Variants in CHD6 observed in about 807,000 individuals in gnomAD.
CHD6 encodes ATP-dependent chromatin remodeler CHD6.
Under a neutral mutation model 276.9 loss-of-function variants are expected in CHD6, and 50 were observed. That is an observed-to-expected ratio of 0.18 (90% confidence interval 0.14 to 0.23). The LOEUF (loss-of-function observed/expected upper bound fraction) is 0.23. Ranked by LOEUF, CHD6 falls within the 10% of genes least tolerant of loss-of-function variation. The pLI is 1.00. For missense variants in CHD6, 2,564 were observed against 3,365.8 expected (o/e 0.76, Z 5.89); for synonymous variants, 1,173 against 1,229.3 (o/e 0.95, Z 0.96).
At position 41,405,101 on chromosome 20, in the gene CHD6, G is replaced by A. The variant is rs758499271; in HGVS notation, c.7640C>T (p.Thr2547Ile). ...TGATAGAGACGCCGGAGCAGTGGAA[G>A]TGCAGGTGGTTGCCATGGGTGGACT... ...LLSPPMATTC[T>I]STAPASLSST... is the part of the protein sequence containing the mutation. The change falls in exon 37 of 37, where the codon ACT becomes ATT. Residue 2547 changes from threonine (T) to isoleucine (I), a missense_variant. Transcript: ENST00000373233. 3 of 1,614,232 alleles carry A rather than the reference G, an allele frequency of 1.9e-6. No individual in the cohort carries two copies. Among genetic ancestry groups the A allele is most frequent in the East Asian group, 2.2e-5 (1 of 44,890 alleles).
chr20:41,477,363 A>G (rs2043191019), intron 16 of CHD6, among the ~76,000 whole-genome samples: 1 of 152,162 alleles, frequency 6.6e-6, no homozygotes, highest in Non-Finnish European at 1.5e-5. Context: ...TATACATAAT[A>G]TCTCCCTATA....
intron 13 of CHD6, 81 bp from the exon 14 acceptor site, chr20:41,487,889 C>A (rs1166327451): frequency 2.8e-6 from 4 of 1,445,974 alleles, no homozygotes; most frequent in South Asian, 1.3e-5. Context: ...TAAGCCAGGG[C>A]ATTGAGTGCT....
At chr20:41,437,204 TACC>T in intron 27 of CHD6, 67 bp downstream of exon 27, 1 of 1,203,018 alleles carries the variant, frequency 8.3e-7, no homozygotes, top group Non-Finnish European at 1.2e-6. Flanking sequence ...CCCAGATCAC[TACC>T]AAGATAGGGA....
At chr20:41,438,311 T>C (rs537421791) in intron 26 of CHD6, among the ~76,000 whole-genome samples, 1 of 152,170 alleles carries the variant, frequency 6.6e-6, no homozygotes, top group African/African-American at 2.4e-5. Context: ...ACTTTGAGGG[T>C]GGGTGCAGTG....
At chr20:41,480,271 G>A (rs1342871869) in intron 16 of CHD6, among the ~76,000 whole-genome samples, 1 of 152,048 alleles carries the variant, frequency 6.6e-6, no homozygotes, top group African/African-American at 2.4e-5. Context: ...CCAGGGAGGA[G>A]GAAGTCAGGA....
intron 2 of CHD6, 152 bp downstream of exon 2, chr20:41,551,153 T>C: frequency 1.7e-6 from 1 of 601,678 alleles, no homozygotes; most frequent in Non-Finnish European, 2.9e-6. Flanking sequence ...TATTATTAAG[T>C]CATTCAGAAC....
chr20:41,608,999 T>A (rs1199365847), intron 1 of CHD6, among the ~76,000 whole-genome samples: 1 of 152,188 alleles, frequency 6.6e-6, no homozygotes, highest in Non-Finnish European at 1.5e-5. Context: ...TAGTAACATC[T>A]CATACAGCAT....
At position 41,404,703 on chromosome 20, in the gene CHD6, T is replaced by TG; in HGVS notation, c.8037dup (p.Ser2680GlnfsTer3). On this transcript the variant is annotated frameshift_variant, in exon 37 of 37. Coordinates refer to ENST00000373233, the MANE Select transcript of CHD6 (RefSeq NM_032221.5). LOFTEE classifies it high-confidence loss of function. ...GGTTCGGCACAGTTCTCATCACCGC[T>TG]GGGCTCCCTTTCACAGCTGGGAGCA... 6.3e-7 allele frequency: 1 copy of TG among 1,596,882 alleles called. No homozygotes were observed. The highest frequency in any genetic ancestry group is 8.5e-7 in the Non-Finnish European group (1 of 1,171,498).
intron 5 of CHD6, among the ~76,000 whole-genome samples, chr20:41,505,454 T>C (rs2043954575): frequency 6.6e-6 from 1 of 152,110 alleles, no homozygotes; most frequent in Non-Finnish European, 1.5e-5. Flanking sequence ...CAGAACAGTC[T>C]CTTTTGTTTG....
chr20:41,449,687 T>C (rs2048178126), intron 23 of CHD6, among the ~76,000 whole-genome samples: 1 of 152,250 alleles, frequency 6.6e-6, no homozygotes, highest in Non-Finnish European at 1.5e-5. Flanking sequence ...CTTTTTTCTT[T>C]TTAAAAGTAT....
intron 2 of CHD6, among the ~76,000 whole-genome samples, chr20:41,534,258 C>A (rs1469387467): frequency 6.6e-6 from 1 of 152,178 alleles, no homozygotes; most frequent in East Asian, 1.9e-4. Context: ...GACAAGCAGG[C>A]TTTCTAAGAA....
At position 41,415,294 on chromosome 20, in the gene CHD6, G is replaced by T; in HGVS notation, c.6831C>A (p.Leu2277=). The T allele has an allele frequency of 6.2e-7, 1 of 1,614,112 alleles. No homozygotes were observed. Among genetic ancestry groups the T allele is most frequent in the South Asian group, 1.1e-5 (1 of 91,070 alleles). ...TCCTCGTGGCTGCATCATCTCTTCTGAGGCTTCCATTGACAATCTGTCCAG... is the reference window on the plus strand; with the variant it reads ...TCCTCGTGGCTGCATCATCTCTTCTTAGGCTTCCATTGACAATCTGTCCAG... ...PVTGQIVNGS[L]RRDDAATRRR... The change falls in exon 34 of 37, where the codon CTC becomes CTA. Residue 2277 remains leucine, a synonymous_variant. Coordinates refer to ENST00000373233, the MANE Select transcript of CHD6 (RefSeq NM_032221.5).
At chr20:41,406,199 T>C (rs1022775310) in intron 36 of CHD6, among the ~76,000 whole-genome samples, 1 of 152,186 alleles carries the variant, frequency 6.6e-6, no homozygotes, top group African/African-American at 2.4e-5. Flanking sequence ...ATGAAGGACT[T>C]CTTGAACACT....
intron 4 of CHD6, among the ~76,000 whole-genome samples, chr20:41,513,253 C>A (rs943421015): frequency 6.6e-6 from 1 of 152,132 alleles, no homozygotes; most frequent in African/African-American, 2.4e-5. Flanking sequence ...GTCTCATAGT[C>A]CAGTAAGATG....
intron 1 of CHD6, among the ~76,000 whole-genome samples, chr20:41,589,680 CA>C (rs2045634880): frequency 6.6e-6 from 1 of 152,148 alleles, no homozygotes; most frequent in African/African-American, 2.4e-5. Flanking sequence ...AGTACCTCTT[CA>C]AGGAGAACTA....
Position 41,405,651 on chromosome 20 carries a change from T to C in CHD6, c.7252-162A>G, listed in dbSNP as rs572775215. Among the ~76,000 whole-genome samples, 269 of 152,328 alleles carry C rather than the reference T, an allele frequency of 1.8e-3. 1 individual carries two copies. The highest frequency in any genetic ancestry group is 6.2e-3 in the African/African-American group (258 of 41,574). On this transcript the variant is annotated intron_variant, in intron 36 of 36. Coordinates refer to ENST00000373233, the MANE Select transcript of CHD6 (RefSeq NM_032221.5). ...CGCCTACTTGTGCAGCTCTCTGGCC[T>C]GACTGTACCTGACAGGCTTCTCCCT...
chr20:41,556,603 T>A (rs1356969209), intron 1 of CHD6, among the ~76,000 whole-genome samples: 1 of 152,164 alleles, frequency 6.6e-6, no homozygotes, highest in African/African-American at 2.4e-5. Flanking sequence ...ATGTGAAATC[T>A]GAATGATGGC....
At chr20:41,460,095 T>G (rs2048497491) in intron 17 of CHD6, among the ~76,000 whole-genome samples, 1 of 152,196 alleles carries the variant, frequency 6.6e-6, no homozygotes, top group African/African-American at 2.4e-5. Flanking sequence ...ACCAGTGGCA[T>G]TTGCCCCTGC....
At chr20:41,446,929 A>G (rs1160935563) in intron 24 of CHD6, among the ~76,000 whole-genome samples, 1 of 152,222 alleles carries the variant, frequency 6.6e-6, no homozygotes, top group African/African-American at 2.4e-5. Context: ...TACTTCTGCC[A>G]GGTAACACTT....
Sources: gnomAD v4.1 joint callset for allele counts (sites outside exome capture counted in the v4.1 genomes callset) on GRCh38, gnomAD v4.1.1 for gene constraint, MANE v1.5 for transcripts, NCBI Gene and HGNC (gene_info 2026-07-23, HGNC 2026-07-21) for gene names.